The following LHCGR variants were observed in gnomAD, a reference collection of about 807,000 sequenced individuals.
The protein encoded by LHCGR is luteinizing hormone/choriogonadotropin receptor, also known as lutropin-choriogonadotropic hormone receptor.
A neutral mutation model predicts 60.7 loss-of-function variants in LHCGR; 55 were observed. The observed-to-expected ratio is 0.91, with a 90% confidence interval of 0.73 to 1.13. The LOEUF is 1.13. Among genes scored for constraint, LHCGR ranks in the 50% most tolerant of loss-of-function variants. The pLI is 0.00. For missense variants in LHCGR, 862 were observed against 836.0 expected, an observed-to-expected ratio of 1.03 and a Z score of -0.38; for synonymous variants, 337 against 316.5, an observed-to-expected ratio of 1.06 and a Z score of -0.69.
At chr2:48,719,282 G>C (rs1668399026) in intron 6 of LHCGR, among the ~76,000 whole-genome samples, 2 of 152,108 alleles carry the variant, frequency 1.3e-5, no homozygotes, top group Admixed American at 1.3e-4. Flanking sequence ...CCTGACTAAG[G>C]CTGCTTGGCT....
chr2:48,714,400 C>G (rs1406741964), intron 6 of LHCGR, among the ~76,000 whole-genome samples: 10 of 151,924 alleles, frequency 6.6e-5, no homozygotes, highest in Non-Finnish European at 1.3e-4. Context: ...AGCCTTTCCT[C>G]TGGTTTTGCA....
rs868123990 is a variant in LHCGR at position 48,745,890 on chromosome 2, A to C, written c.161+9621T>G. ...AATTAAAAATTAAAAGAAAAAAAAA[A>C]GGTCCGTCTCAGGTACTACATACTC... On this transcript the variant is annotated intron_variant, in intron 1 of 10. Coordinates refer to ENST00000294954, the MANE Select transcript of LHCGR (RefSeq NM_000233.4). 5.3e-5 allele frequency among the ~76,000 whole-genome samples: 8 copies of C among 151,612 alleles called. No homozygotes were observed. In the South Asian group the frequency reaches 1.7e-3, roughly 31 times the overall value.
At chr2:48,720,926 A>C (rs2104446902) in intron 6 of LHCGR, 1 of 152,346 alleles carries the variant, frequency 6.6e-6, no homozygotes, top group South Asian at 2.1e-4. Context: ...CATACATATT[A>C]GCTGCTATTT....
chr2:48,724,088 T>C (rs1668620717), intron 4 of LHCGR, among the ~76,000 whole-genome samples: 1 of 152,240 alleles, frequency 6.6e-6, no homozygotes, highest in East Asian at 1.9e-4. Context: ...TCCTTAAATT[T>C]TGGAGCAGGT....
At chr2:48,690,001 C>T (rs924058758) in intron 10 of LHCGR, among the ~76,000 whole-genome samples, 5 of 152,314 alleles carry the variant, frequency 3.3e-5, no homozygotes, top group Middle Eastern at 6.8e-3. Context: ...GCATGAGCCA[C>T]CACGCCCGGC....
At chr2:48,726,874 A>C (rs1026160377) in intron 3 of LHCGR, among the ~76,000 whole-genome samples, 3 of 152,204 alleles carry the variant, frequency 2.0e-5, no homozygotes, top group Non-Finnish European at 4.4e-5. Context: ...GAAATTAGGA[A>C]GTTGAATGAT....
chr2:48,738,795 T>C (rs920553723), intron 1 of LHCGR, among the ~76,000 whole-genome samples: 6 of 152,256 alleles, frequency 3.9e-5, no homozygotes, highest in African/African-American at 1.4e-4. Flanking sequence ...AATTTTTGTA[T>C]TGATAACATA....
At position 48,731,220 on chromosome 2, in the gene LHCGR, T is replaced by A. The variant is rs1001415958; in HGVS notation, c.233+7A>T. 1 of 1,584,804 alleles carries A rather than the reference T, an allele frequency of 6.3e-7. No individual in the cohort carries two copies. Among genetic ancestry groups the A allele is most frequent in the Non-Finnish European group, 8.7e-7 (1 of 1,154,220 alleles). ...GAATGTCTTTTGATATGCAGTAACT[T>A]ACTTACATTTTTATGACCTCATTAA... On this transcript the variant is annotated splice_region_variant and intron_variant, in intron 2 of 10. Coordinates refer to ENST00000294954, the MANE Select transcript of LHCGR (RefSeq NM_000233.4).
At chr2:48,749,758 T>A (rs1230001757) in intron 1 of LHCGR, among the ~76,000 whole-genome samples, 1 of 151,678 alleles carries the variant, frequency 6.6e-6, no homozygotes, top group East Asian at 1.9e-4. Flanking sequence ...CCCAAGGAAT[T>A]ACTACTCTCC....
intron 6 of LHCGR, chr2:48,720,553 A>G (rs1668452939): frequency 6.6e-6 from 1 of 152,244 alleles, no homozygotes; most frequent in African/African-American, 2.4e-5. Flanking sequence ...GGGTCTCTGC[A>G]ATTCAGTGTC....
chr2:48,736,120 A>G (rs979834289), intron 1 of LHCGR, among the ~76,000 whole-genome samples: 7 of 152,110 alleles, frequency 4.6e-5, no homozygotes, highest in Non-Finnish European at 8.8e-5. Context: ...CAGAACTGTG[A>G]GCCAACTAAA....
chr2:48,689,180 C>T, intron 10 of LHCGR, among the ~76,000 whole-genome samples: 1 of 150,256 alleles, frequency 6.7e-6, no homozygotes, highest in East Asian at 1.9e-4. Context: ...TACATATATA[C>T]ACACATATAT....
At chr2:48,735,272 A>G (rs1052833829) in intron 1 of LHCGR, among the ~76,000 whole-genome samples, 4 of 152,204 alleles carry the variant, frequency 2.6e-5, no homozygotes, top group Admixed American at 2.0e-4. Context: ...TCATCCTAGT[A>G]CTGGGATCTT....
Position 48,687,463 on chromosome 2 carries a change from A to G in LHCGR, c.*234T>C, listed in dbSNP as rs781519619. The G allele has an allele frequency of 7.6e-5, 33 of 432,384 alleles. No individual in the cohort carries two copies. The highest frequency in any genetic ancestry group is 1.1e-4 in the Non-Finnish European group (28 of 243,898). The allele number at this position is 432,384 out of a possible 1,614,324, so 26.8% of individuals were successfully genotyped here. On this transcript the variant is annotated 3_prime_UTR_variant, in exon 11 of 11. Coordinates refer to ENST00000294954, the MANE Select transcript of LHCGR (RefSeq NM_000233.4). ...AAAATTACTGTGTCAAAATTTCTAT[A>G]AAAATTTCTAAACACTCTCAACTTC...
intron 3 of LHCGR, among the ~76,000 whole-genome samples, chr2:48,728,738 T>C (rs1003638707): frequency 6.6e-6 from 1 of 152,172 alleles, no homozygotes; most frequent in Non-Finnish European, 1.5e-5. Context: ...ACACAGCTTT[T>C]ACACTGTAGG....
intron 8 of LHCGR, among the ~76,000 whole-genome samples, chr2:48,701,964 A>C (rs1667431866): frequency 6.6e-6 from 1 of 152,194 alleles, no homozygotes; most frequent in African/African-American, 2.4e-5. Context: ...AAGGGCAAGG[A>C]CCAGGGCTAT....
chr2:48,694,172 T>C (rs1045495342), intron 10 of LHCGR, 52 bp downstream of exon 10: 2 of 1,029,076 alleles, frequency 1.9e-6, no homozygotes, highest in Non-Finnish European at 3.0e-6. Flanking sequence ...GATAATAAGG[T>C]GCACACAGAA....
chr2:48,746,090 T>C (rs2103714482), intron 1 of LHCGR, among the ~76,000 whole-genome samples: 1 of 152,284 alleles, frequency 6.6e-6, no homozygotes, highest in Admixed American at 6.5e-5. Context: ...TAATATAGCA[T>C]GCAGTACAAT....
At chr2:48,722,905 C>T (rs6545060) in intron 6 of LHCGR, among the ~76,000 whole-genome samples, 16,841 of 151,972 alleles carry the variant, frequency 0.11, 1,886 homozygotes, top group African/African-American at 0.29. Flanking sequence ...GGTAACCTGA[C>T]GAGTAACTGT....
Sources: allele counts gnomAD v4.1 joint callset (sites outside exome capture counted in the v4.1 genomes callset), GRCh38; gene constraint gnomAD v4.1.1; transcripts MANE v1.5; gene names NCBI Gene and HGNC (gene_info 2026-07-23, HGNC 2026-07-21).